Variants in ATAD1 observed in about 807,000 individuals in gnomAD.
ATAD1 encodes the protein ATPase family AAA domain containing 1.
In ATAD1, 18 loss-of-function variants were observed where a neutral mutation model predicts 42.7. That is an observed-to-expected ratio of 0.42 (90% confidence interval 0.29 to 0.63). The LOEUF is 0.63. Ranked by LOEUF, ATAD1 falls within the 20% of genes least tolerant of loss-of-function variation. The probability of loss-of-function intolerance (pLI) is 0.19; values close to 1 mark genes in which losing one functional copy is unlikely to be tolerated. For missense variants in ATAD1, 294 were observed against 440.4 expected, an observed-to-expected ratio of 0.67 and a Z score of 2.98; for synonymous variants, 132 against 143.1, an observed-to-expected ratio of 0.92 and a Z score of 0.55.
rs1342687827 is a variant in ATAD1, at chr10:87,796,815, T to TCAAACC, written c.163-4061_163-4060insGGTTTG. Among the ~76,000 whole-genome samples the TCAAACC allele has an allele frequency of 7.6e-4, 116 of 152,362 alleles. 4 individuals are homozygous for TCAAACC. In the South Asian group the frequency reaches 0.024, roughly 31 times the overall value. ...GGCTCAAACCGATAGTACTATTTGCTGATGTCTGTGAGTATCCCCTCCAGA... is the reference window on the plus strand; with the variant it reads ...GGCTCAAACCGATAGTACTATTTGCTCAAACCGATGTCTGTGAGTATCCCCTCCAGA... On this transcript the variant is annotated intron_variant, in intron 2 of 9. Coordinates refer to ENST00000680024, the MANE Select transcript of ATAD1 (RefSeq NM_001321967.2).
intron 2 of ATAD1, among the ~76,000 whole-genome samples, chr10:87,812,525 A>G (rs1053219347): frequency 6.6e-6 from 1 of 152,126 alleles, no homozygotes; most frequent in Admixed American, 6.5e-5. Flanking sequence ...GGCCTCCCAA[A>G]GTGCTGGGAT....
intron 5 of ATAD1, among the ~76,000 whole-genome samples, chr10:87,779,352 T>C (rs1855464871): frequency 6.6e-6 from 1 of 152,028 alleles, no homozygotes; most frequent in Non-Finnish European, 1.5e-5. Context: ...ATTCGTGCTA[T>C]GTGAAAGATA....
At chr10:87,766,639 A>C (rs1168061418) in intron 8 of ATAD1, among the ~76,000 whole-genome samples, 5 of 152,066 alleles carry the variant, frequency 3.3e-5, no homozygotes, top group South Asian at 4.1e-4. Flanking sequence ...AAATGCAAAA[A>C]ATACATGGTA....
intron 5 of ATAD1, among the ~76,000 whole-genome samples, chr10:87,778,438 A>G (rs1855416095): frequency 6.6e-6 from 1 of 152,196 alleles, no homozygotes; most frequent in Non-Finnish European, 1.5e-5. Flanking sequence ...AGATTTTGGA[A>G]TATTTGCATA....
intron 7 of ATAD1, 112 bp downstream of exon 7, chr10:87,770,839 TC>T: frequency 1.3e-6 from 1 of 796,092 alleles, no homozygotes. Context: ...CCCCATTCCT[TC>T]CCTGTCATAA....
At chr10:87,812,827 T>C (rs941184862) in intron 2 of ATAD1, among the ~76,000 whole-genome samples, 1 of 152,160 alleles carries the variant, frequency 6.6e-6, no homozygotes, top group African/African-American at 2.4e-5. Context: ...AAGTAATGCA[T>C]TCTATTTAAA....
At position 87,763,080 on chromosome 10, in the gene ATAD1, CAAAAAAAAA is replaced by C. The variant is rs71019501; in HGVS notation, c.831+4584_831+4592del. Among the ~76,000 whole-genome samples the C allele has an allele frequency of 1.8e-3, 49 of 26,534 alleles. 1 individual carries two copies. In the East Asian group the frequency reaches 0.058, roughly 32 times the overall value. 17.4% of individuals were successfully genotyped at this position (26,534 alleles called of 152,430 possible). A position where few individuals can be genotyped will look rare whatever the true frequency, so the allele number is the denominator to read the frequency against. On this transcript the variant is annotated intron_variant, in intron 8 of 9. Transcript: ENST00000680024. ...TGGGCGACAGAGCGAGACTCTGTCACAAAAAAAAAAAAAAAAAAAAAAAAAGGCAAAATA... is the reference window on the plus strand; with the variant it reads ...TGGGCGACAGAGCGAGACTCTGTCACAAAAAAAAAAAAAAAAGGCAAAATA...
intron 1 of ATAD1, among the ~76,000 whole-genome samples, chr10:87,839,392 A>G (rs943039559): frequency 6.6e-6 from 1 of 152,230 alleles, no homozygotes; most frequent in African/African-American, 2.4e-5. Context: ...TTTCTTTCAC[A>G]TACATCCTGT....
At chr10:87,811,555 T>A (rs1457634181) in intron 2 of ATAD1, among the ~76,000 whole-genome samples, 1 of 152,154 alleles carries the variant, frequency 6.6e-6, no homozygotes, top group African/African-American at 2.4e-5. Flanking sequence ...GGAGACTTCA[T>A]CACTCTTAGT....
At chr10:87,816,772 A>G (rs1391694217) in intron 1 of ATAD1, among the ~76,000 whole-genome samples, 1 of 152,228 alleles carries the variant, frequency 6.6e-6, no homozygotes, top group African/African-American at 2.4e-5. Context: ...GAAACGTGTT[A>G]TATCACTACG....
chr10:87,818,076 C>A, intron 1 of ATAD1, 91 bp downstream of exon 1: 1 of 985,770 alleles, frequency 1.0e-6, no homozygotes, highest in African/African-American at 1.7e-5. Context: ...GACCTTTCCT[C>A]CGGGGGTTCC....
chr10:87,757,937 G>T (rs1341420474), intron 8 of ATAD1, among the ~76,000 whole-genome samples: 1 of 152,146 alleles, frequency 6.6e-6, no homozygotes, highest in Non-Finnish European at 1.5e-5. Context: ...AAACATGAGG[G>T]TTACATGAAG....
chr10:87,836,774 T>C (rs999496278), intron 1 of ATAD1, among the ~76,000 whole-genome samples: 3 of 152,220 alleles, frequency 2.0e-5, no homozygotes, highest in African/African-American at 7.2e-5. Flanking sequence ...CTACGTTGTA[T>C]TCTTTCCTTT....
chr10:87,792,554 G>A, intron 3 of ATAD1, 103 bp downstream of exon 3: 1 of 773,196 alleles, frequency 1.3e-6, no homozygotes, highest in East Asian at 2.6e-5. Context: ...ATTCAGCCTA[G>A]AGAATCAAAG....
chr10:87,823,567 G>A (rs924804704), intron 1 of ATAD1, among the ~76,000 whole-genome samples: 3 of 152,124 alleles, frequency 2.0e-5, no homozygotes, highest in African/African-American at 2.4e-5. Context: ...ATGGGGAGGA[G>A]GTGGGAAAGA....
At chr10:87,813,990 C>T (rs1857303537) in intron 2 of ATAD1, among the ~76,000 whole-genome samples, 1 of 152,102 alleles carries the variant, frequency 6.6e-6, no homozygotes, top group South Asian at 2.1e-4. Flanking sequence ...TATTAATAAT[C>T]AACAACTTTT....
intron 1 of ATAD1, among the ~76,000 whole-genome samples, chr10:87,830,631 T>C (rs1448999557): frequency 6.6e-6 from 1 of 152,196 alleles, no homozygotes; most frequent in Non-Finnish European, 1.5e-5. Context: ...TTATCAAGAA[T>C]AATAACATTT....
chr10:87,799,296 G>A (rs1011027139), intron 2 of ATAD1, among the ~76,000 whole-genome samples: 12 of 152,176 alleles, frequency 7.9e-5, no homozygotes, highest in Non-Finnish European at 1.5e-4. Context: ...CAAACAGAAT[G>A]ATCTTTGCTT....
upstream of ATAD1, chr10:87,818,251 G>T (rs1275070207): frequency 2.0e-6 from 2 of 985,492 alleles, no homozygotes; most frequent in Non-Finnish European, 2.4e-6. Flanking sequence ...CGCTTCCGGC[G>T]GGAGGCGCGG....
Sources: allele counts gnomAD v4.1 joint callset (sites outside exome capture counted in the v4.1 genomes callset), GRCh38; gene constraint gnomAD v4.1.1; transcripts MANE v1.5; gene names NCBI Gene and HGNC (gene_info 2026-07-23, HGNC 2026-07-21).